TRPS1: variants seen among roughly 807,000 people sequenced by gnomAD.
TRPS1 encodes the protein transcriptional repressor GATA binding 1, also known as zinc finger transcription factor Trps1.
Under a neutral mutation model 101.2 loss-of-function variants are expected in TRPS1, and 6 were observed. That is an observed-to-expected ratio of 0.06 (90% CI 0.03 to 0.12). TRPS1 has a LOEUF of 0.12. TRPS1 is among the 10% of genes least tolerant of loss of function. TRPS1 has a pLI of 1.00. For missense variants in TRPS1, 1,363 were observed against 1,567.0 expected, an observed-to-expected ratio of 0.87 and a Z score of 2.20; for synonymous variants, 578 against 589.8, an observed-to-expected ratio of 0.98 and a Z score of 0.29.
At chr8:115,528,007 C>G (rs59582596) in intron 5 of TRPS1, among the ~76,000 whole-genome samples, 1 of 151,990 alleles carries the variant, frequency 6.6e-6, no homozygotes, top group Non-Finnish European at 1.5e-5. Context: ...TAATCAATTG[C>G]TTGTTCATAT....
intron 1 of TRPS1, among the ~76,000 whole-genome samples, chr8:115,645,923 A>C (rs140853201): frequency 1.1e-4 from 16 of 152,282 alleles, no homozygotes; most frequent in Admixed American, 7.2e-4. Context: ...GATGACACTG[A>C]GCTAGCCTTT....
chr8:115,644,203 C>T (rs928348528), intron 1 of TRPS1, among the ~76,000 whole-genome samples: 3 of 152,198 alleles, frequency 2.0e-5, no homozygotes, highest in Non-Finnish European at 4.4e-5. Flanking sequence ...GCTGCATTAG[C>T]CCCTAACTAG....
chr8:115,665,436 C>T (rs1811899677), intron 1 of TRPS1, among the ~76,000 whole-genome samples: 1 of 152,094 alleles, frequency 6.6e-6, no homozygotes, highest in Admixed American at 6.6e-5. Context: ...AGCTGCTTTT[C>T]TACAGATGCA....
At chr8:115,497,906 A>G (rs1815189231) in intron 5 of TRPS1, among the ~76,000 whole-genome samples, 1 of 142,018 alleles carries the variant, frequency 7.0e-6, no homozygotes, top group South Asian at 2.4e-4. Flanking sequence ...GAGGCATCCA[A>G]AAAGGAGAGG....
intron 1 of TRPS1, among the ~76,000 whole-genome samples, chr8:115,636,558 G>A (rs1311635065): frequency 6.6e-6 from 1 of 152,122 alleles, no homozygotes; most frequent in Non-Finnish European, 1.5e-5. Flanking sequence ...AATAATACAG[G>A]AGGAGACATG....
chr8:115,472,305 T>G (rs147058607), intron 5 of TRPS1, among the ~76,000 whole-genome samples: 3,261 of 152,260 alleles, frequency 0.021, 121 homozygotes, highest in African/African-American at 0.069. Context: ...AGCCACCAAG[T>G]CTTGGGGCTT....
chr8:115,452,862 T>C (rs1813912060), intron 5 of TRPS1, among the ~76,000 whole-genome samples: 2 of 152,192 alleles, frequency 1.3e-5, no homozygotes, highest in Admixed American at 6.5e-5. Context: ...GAGCCTGACA[T>C]ATAAAATGTC....
intron 3 of TRPS1, among the ~76,000 whole-genome samples, chr8:115,612,543 C>T (rs1482984842): frequency 2.0e-5 from 3 of 152,170 alleles, no homozygotes; most frequent in Non-Finnish European, 1.5e-5. Context: ...TGGGGAACTT[C>T]ACTTTTACAT....
Position 115,619,203 on chromosome 8 carries a change from C to A in TRPS1, c.895G>T (p.Val299Leu). Residue 299 changes from valine to leucine, a missense_variant, in exon 3 of 7, where the codon GTG becomes TTG. Val to Leu is a conservative substitution (Grantham distance 32). This residue lies in a region of TRPS1 where 1,020 missense variants were observed against 1,073.0 expected (regional missense o/e 0.95). Transcript: ENST00000395715. ...ATGTCCTGCAGCACACCAGAAAACA[C>A]AGAACGGTTGACCTTCTGGAAGTCT... ...SKDFQKVNRSVFSGVLQDINS... is the reference protein window; with the variant it reads ...SKDFQKVNRSLFSGVLQDINS... 1.2e-6 allele frequency: 2 copies of A among 1,614,172 alleles called. No homozygotes were observed. The highest frequency in any genetic ancestry group is 1.1e-5 in the South Asian group (1 of 91,088).
At chr8:115,476,983 A>G (rs1166467138) in intron 5 of TRPS1, among the ~76,000 whole-genome samples, 1 of 152,240 alleles carries the variant, frequency 6.6e-6, no homozygotes, top group Non-Finnish European at 1.5e-5. Context: ...TCTAAAAATC[A>G]TATCATAAAT....
intron 5 of TRPS1, among the ~76,000 whole-genome samples, chr8:115,536,104 T>C (rs1341125436): frequency 3.9e-5 from 6 of 152,304 alleles, no homozygotes; most frequent in African/African-American, 1.4e-4. Context: ...AGGTACGTGT[T>C]ACCAAAACTA....
chr8:115,475,268 AT>A (rs1563757443), intron 5 of TRPS1, among the ~76,000 whole-genome samples: 28 of 11,728 alleles, frequency 2.4e-3, no homozygotes, highest in African/African-American at 3.5e-3. Context: ...AATCACAGTT[AT>A]ATATATATAT....
chr8:115,441,866 TGAGA>T (rs56875076), intron 5 of TRPS1, among the ~76,000 whole-genome samples: 4,318 of 139,330 alleles, frequency 0.031, 91 homozygotes, highest in Middle Eastern at 0.061. Flanking sequence ...CAATTGAGAG[TGAGA>T]GAGAGAGAGA....
chr8:115,522,043 G>A (rs928720330), intron 5 of TRPS1, among the ~76,000 whole-genome samples: 1 of 151,886 alleles, frequency 6.6e-6, no homozygotes, highest in African/African-American at 2.4e-5. Context: ...ATCTTTTTAT[G>A]TCAACAATAA....
chr8:115,604,040 G>T lies in TRPS1; in HGVS notation c.1929C>A (p.Leu643=). The T allele has an allele frequency of 6.2e-7, 1 of 1,614,086 alleles. No homozygotes were observed. The highest frequency in any genetic ancestry group is 1.1e-5 in the South Asian group (1 of 91,086). Residue 643 remains leucine, a synonymous_variant, in exon 4 of 7, where the codon CTC becomes CTA. Coordinates refer to ENST00000395715, the MANE Select transcript of TRPS1 (RefSeq NM_014112.5). This position sits in a 1 kb window ranked among gnomAD's most constrained non-coding sequence, Gnocchi z 4.1. ...SFTTPDVDVL[L]FHYESVHESQ... is the part of the protein sequence containing the mutation. The stretch of plus-strand genomic sequence containing the variant: ...ACTCATGCACACTTTCATAGTGAAA[G>T]AGGAGTACATCTACGTCAGGGGTGG...
intron 5 of TRPS1, among the ~76,000 whole-genome samples, chr8:115,451,333 T>C (rs1043676425): frequency 6.6e-6 from 1 of 152,162 alleles, no homozygotes; most frequent in Admixed American, 6.5e-5. Context: ...CTTTTTTTTT[T>C]CAATGAGTAT....
intron 5 of TRPS1, among the ~76,000 whole-genome samples, chr8:115,525,598 C>G (rs1309664937): frequency 6.6e-6 from 1 of 152,042 alleles, no homozygotes; most frequent in East Asian, 1.9e-4. Context: ...TTCCTGAAAA[C>G]TATAGTGTTG....
chr8:115,654,666 A>G (rs1266278876), intron 1 of TRPS1, among the ~76,000 whole-genome samples: 1 of 152,194 alleles, frequency 6.6e-6, no homozygotes, highest in Non-Finnish European at 1.5e-5. Flanking sequence ...CTAGCTTCTT[A>G]TTAGTGACCA....
At chr8:115,507,432 C>T (rs1055545505) in intron 5 of TRPS1, among the ~76,000 whole-genome samples, 4 of 152,000 alleles carry the variant, frequency 2.6e-5, no homozygotes, top group Admixed American at 6.6e-5. Context: ...TATGTTACTC[C>T]TCGGCTGAAG....
Sources: gnomAD v4.1 joint callset for allele counts (sites outside exome capture counted in the v4.1 genomes callset) on GRCh38, gnomAD v4.1.1 for gene constraint, gnomAD v4.1.1 regional missense constraint, Gnocchi (gnomAD v3.1) non-coding constraint, MANE v1.5 for transcripts, NCBI Gene and HGNC (gene_info 2026-07-23, HGNC 2026-07-21) for gene names.